ART3: variants seen among roughly 807,000 people sequenced by gnomAD.
The protein encoded by ART3 is ADP-ribosyltransferase 3 (inactive), also known as ecto-ADP-ribosyltransferase 3.
In ART3, 49 loss-of-function variants were observed where a neutral mutation model predicts 48.5. That is an observed-to-expected ratio of 1.01 (90% CI 0.80 to 1.28). The LOEUF is 1.28. ART3 is among the 50% of genes most tolerant of loss of function. The pLI is 0.00. For synonymous variants in ART3, 145 were observed against 157.2 expected (o/e 0.92, Z 0.58); for missense variants, 438 against 454.3 (o/e 0.96, Z 0.33).
intron 9 of ART3, 106 bp from the exon 10 acceptor site, chr4:76,104,491 A>T: frequency 6.5e-7 from 1 of 1,535,036 alleles, no homozygotes; most frequent in East Asian, 2.5e-5. Context: ...ACTATAGTGC[A>T]TTGGGGCCTT....
At chr4:76,059,569 T>A (rs1456482498) in intron 1 of ART3, among the ~76,000 whole-genome samples, 1 of 152,196 alleles carries the variant, frequency 6.6e-6, no homozygotes, top group Admixed American at 6.5e-5. Flanking sequence ...ATTAAGTGGC[T>A]TTTTTCTTAA....
At chr4:76,040,211 G>C (rs1734812215) in intron 1 of ART3, among the ~76,000 whole-genome samples, 1 of 152,104 alleles carries the variant, frequency 6.6e-6, no homozygotes, top group Admixed American at 6.5e-5. Context: ...TGTAATTCCA[G>C]CTACTTGCAA....
intron 1 of ART3, among the ~76,000 whole-genome samples, chr4:76,013,457 G>A (rs1731987655): frequency 6.6e-6 from 1 of 152,074 alleles, no homozygotes; most frequent in Non-Finnish European, 1.5e-5. Flanking sequence ...ACACCCCTGT[G>A]TATACATCTG....
Position 76,101,761 on chromosome 4 carries a change from A to C in ART3, c.937+742A>C, listed in dbSNP as rs1005035474. Among the ~76,000 whole-genome samples the C allele has an allele frequency of 2.6e-5, 4 of 152,196 alleles. No individual in the cohort carries two copies. The East Asian group carries it at 7.7e-4, about 29-fold the overall frequency. On this transcript the variant is annotated intron_variant, in intron 8 of 11. Transcript: ENST00000355810. Reference sequence around the variant, plus strand: ...AGTGAGACTCCATCTTGGAAAAAAAAAATTACTCAGATGTCCTCAAGGATA... The same window carrying C: ...AGTGAGACTCCATCTTGGAAAAAAACAATTACTCAGATGTCCTCAAGGATA...
At chr4:76,097,947 G>A (rs1361741993) in intron 4 of ART3, among the ~76,000 whole-genome samples, 3 of 152,096 alleles carry the variant, frequency 2.0e-5, no homozygotes, top group Non-Finnish European at 2.9e-5. Context: ...AAGGGAACAC[G>A]CCACTGTCAT....
At chr4:76,110,742 T>C (rs1038626838) in intron 11 of ART3, among the ~76,000 whole-genome samples, 11 of 152,176 alleles carry the variant, frequency 7.2e-5, no homozygotes, top group African/African-American at 2.7e-4. Flanking sequence ...GGTCCACTTA[T>C]ACATGGATTT....
upstream of ART3, among the ~76,000 whole-genome samples, chr4:76,074,190 C>T (rs1363113949): frequency 6.6e-6 from 1 of 152,130 alleles, no homozygotes; most frequent in African/African-American, 2.4e-5. Context: ...TGGACTTTGT[C>T]TATACTTGGG....
chr4:76,051,085 A>C (rs1188021762), intron 1 of ART3, among the ~76,000 whole-genome samples: 1 of 152,264 alleles, frequency 6.6e-6, no homozygotes, highest in Non-Finnish European at 1.5e-5. Flanking sequence ...GGCCTTGGCC[A>C]GCCCAGAAAG....
chr4:76,101,118 G>T (rs564118223), intron 8 of ART3, 99 bp downstream of exon 8: 2 of 1,443,676 alleles, frequency 1.4e-6, no homozygotes, highest in East Asian at 4.5e-5. Context: ...AAAGTGGGAG[G>T]AAGGCAGAGC....
At chr4:76,025,791 C>T (rs1035312667) in intron 1 of ART3, among the ~76,000 whole-genome samples, 3 of 152,038 alleles carry the variant, frequency 2.0e-5, no homozygotes, top group Admixed American at 2.0e-4. Context: ...CAGTTTGTTT[C>T]TTGTTGATGG....
intron 1 of ART3, among the ~76,000 whole-genome samples, chr4:76,012,725 ATTTTTGCTTGGTGAC>A: frequency 6.6e-6 from 1 of 152,288 alleles, no homozygotes; most frequent in South Asian, 2.1e-4. Flanking sequence ...CAATAGCAAC[ATTTTTGCTTGGTGAC>A]TTTAGGCAAG....
chr4:76,075,858 G>A (rs1351404599), intron 1 of ART3, 23 bp from the exon 2 acceptor site: 8 of 1,583,418 alleles, frequency 5.1e-6, no homozygotes, highest in Middle Eastern at 1.7e-4. Context: ...CTACTGAATT[G>A]AAATTTCTTT....
chr4:76,109,861 C>A (rs1729153692), intron 11 of ART3, among the ~76,000 whole-genome samples: 1 of 152,154 alleles, frequency 6.6e-6, no homozygotes, highest in East Asian at 1.9e-4. Context: ...ATAACTATGG[C>A]AAGTACATTG....
In ART3 at chr4:76,097,668, A is replaced by G. The variant is rs1322697127; in HGVS notation, c.806A>G (p.Glu269Gly). 6.2e-7 allele frequency: 1 copy of G among 1,608,590 alleles called. No homozygotes were observed. Among genetic ancestry groups the G allele is most frequent in the Non-Finnish European group, 8.5e-7 (1 of 1,175,290 alleles). The change falls in exon 4 of 12, where the codon GAG (glutamate) becomes GGG (glycine). Residue 269 changes from glutamate to glycine, a missense_variant. By Grantham distance (98) the Glu-to-Gly change is moderately conservative. Around this residue, in one of 3 missense-constraint regions of ART3, gnomAD observed 227 missense variants for 229.6 expected, o/e 0.99. Coordinates refer to ENST00000355810, the MANE Select transcript of ART3 (RefSeq NM_001130016.3). ...LGGLKTENCI[E>G]NLEYFQPIYV... ...GGACTAAAAACCGAAAACTGTATTG[A>G]GAACCTAGGTAAGATAGCTTTAAAG...
chr4:76,111,691 C>T (rs921674721), intron 11 of ART3, among the ~76,000 whole-genome samples: 2 of 151,960 alleles, frequency 1.3e-5, no homozygotes, highest in South Asian at 2.1e-4. Flanking sequence ...TACAGGCGCC[C>T]GCCACCACGC....
Position 76,112,641 on chromosome 4 carries a change from G to A in ART3, c.*122G>A, listed in dbSNP as rs1257063510. 2.6e-6 allele frequency: 3 copies of A among 1,172,276 alleles called. No homozygotes were observed. The highest frequency in any genetic ancestry group is 2.7e-5 in the East Asian group (1 of 37,580). 72.6% of individuals were successfully genotyped at this position (1,172,276 alleles called of 1,614,324 possible). On this transcript the variant is annotated 3_prime_UTR_variant, in exon 12 of 12. Transcript: ENST00000355810. ...AAAGTCACTGGATAAAATGAGAATTGTATATTTGTTATTCATTTTGCAAAT... is the reference window on the plus strand; with the variant it reads ...AAAGTCACTGGATAAAATGAGAATTATATATTTGTTATTCATTTTGCAAAT...
chr4:76,074,621 A>G (rs531148263), upstream of ART3: 6 of 152,314 alleles, frequency 3.9e-5, no homozygotes, highest in East Asian at 1.9e-4. Flanking sequence ...GGGGCCAGAT[A>G]TAAATAGCAG....
At chr4:76,076,232 C>T (rs1721048643) in intron 2 of ART3, among the ~76,000 whole-genome samples, 1 of 152,096 alleles carries the variant, frequency 6.6e-6, no homozygotes, top group South Asian at 2.1e-4. Flanking sequence ...TCTCGATCTC[C>T]TGACCTCATG....
chr4:76,085,062 C>G lies in ART3; in HGVS notation c.781+2527C>G, dbSNP rs146768742. On this transcript the variant is annotated intron_variant, in intron 3 of 11. Transcript: ENST00000355810. Reference sequence around the variant, plus strand: ...GGAAGCAAAAGAACAGCCCTGGACTCCTGTGAAGACTTGCATTAAAGGAAC... The same window carrying G: ...GGAAGCAAAAGAACAGCCCTGGACTGCTGTGAAGACTTGCATTAAAGGAAC... Among the ~76,000 whole-genome samples the G allele has an allele frequency of 1.8e-3, 276 of 152,314 alleles. 1 individual carries two copies. The highest frequency in any genetic ancestry group is 6.4e-3 in the African/African-American group (267 of 41,564).
Sources: allele counts gnomAD v4.1 joint callset (sites outside exome capture counted in the v4.1 genomes callset), GRCh38; gene constraint gnomAD v4.1.1; regional missense constraint gnomAD v4.1.1; transcripts MANE v1.5; gene names NCBI Gene and HGNC (gene_info 2026-07-23, HGNC 2026-07-21).